The following KLHL36 variants were observed in gnomAD, a reference collection of about 807,000 sequenced individuals.
KLHL36 encodes kelch like family member 36.
Under a neutral mutation model 53.3 loss-of-function variants are expected in KLHL36, and 35 were observed. The ratio of observed to expected loss-of-function variants is 0.66; its 90% CI spans 0.50 to 0.87. The LOEUF (loss-of-function observed/expected upper bound fraction) is 0.87. KLHL36 is among the 40% of genes least tolerant of loss of function. KLHL36 has a pLI of 0.00. For synonymous variants in KLHL36, 472 were observed against 398.9 expected (o/e 1.18, Z -2.18); for missense variants, 864 against 897.6 (o/e 0.96, Z 0.48).
rs113952695 is a variant in KLHL36, at chr16:84,661,315, A to G, written c.1296-263A>G. On this transcript the variant is annotated intron_variant, in intron 4 of 4. Transcript: ENST00000564996. This position sits in a 1 kb window ranked among gnomAD's most constrained non-coding sequence, Gnocchi z 7.9. ...GGTCCTGTGATTATTCCCATTTCCCAGATGGGGCAAGGGAGACTCAGAGAG... is the reference window on the plus strand; with the variant it reads ...GGTCCTGTGATTATTCCCATTTCCCGGATGGGGCAAGGGAGACTCAGAGAG... Among the ~76,000 whole-genome samples, 73 of 152,292 alleles carry G rather than the reference A, an allele frequency of 4.8e-4. No individual in the cohort carries two copies. The highest frequency in any genetic ancestry group is 1.7e-3 in the African/African-American group (69 of 41,574).
rs927887409 is a variant in KLHL36 at position 84,667,252 on chromosome 16, A to G, written c.*5119A>G. 1 of 152,142 alleles carries G rather than the reference A, an allele frequency of 6.6e-6. No individual in the cohort carries two copies. Among genetic ancestry groups the G allele is most frequent in the Non-Finnish European group, 1.5e-5 (1 of 68,022 alleles). 9.4% of individuals were successfully genotyped at this position (152,142 alleles called of 1,614,324 possible). A position where few individuals can be genotyped will look rare whatever the true frequency, so the allele number is the denominator to read the frequency against. On this transcript the variant is annotated 3_prime_UTR_variant, in exon 5 of 5. Coordinates refer to ENST00000564996, the MANE Select transcript of KLHL36 (RefSeq NM_024731.4). ...TTTACAGATTGCTTGTAATGTAAGGAAAGAGTCATGTCCTTTGGATTGATT... is the reference window on the plus strand; with the variant it reads ...TTTACAGATTGCTTGTAATGTAAGGGAAGAGTCATGTCCTTTGGATTGATT...
intron 4 of KLHL36, among the ~76,000 whole-genome samples, chr16:84,660,670 G>A (rs915535262): frequency 1.3e-5 from 2 of 152,130 alleles, no homozygotes; most frequent in Non-Finnish European, 2.9e-5. Context: ...CACCCAGGCT[G>A]GAGTGCAGTG....
chr16:84,650,783 G>T, intron 1 of KLHL36, 69 bp from the exon 2 acceptor site: 1 of 1,128,924 alleles, frequency 8.9e-7, no homozygotes, highest in South Asian at 1.3e-5. Context: ...GTATCTGCTA[G>T]CAGGGCCTGA....
In KLHL36 at chr16:84,659,756, A is replaced by C. The variant is rs749594717; in HGVS notation, c.1138-4A>C. 2 of 1,613,838 alleles carry C rather than the reference A, an allele frequency of 1.2e-6. No individual in the cohort carries two copies. The highest frequency in any genetic ancestry group is 1.7e-6 in the Non-Finnish European group (2 of 1,179,894). On this transcript the variant is annotated splice_region_variant and splice_polypyrimidine_tract_variant and intron_variant, in intron 3 of 4. Transcript: ENST00000564996. ...GGGAAGGTACAGGTATCTCAACTCCACAGGTGGCCTCCATGAACCAGCGCC... is the reference window on the plus strand; with the variant it reads ...GGGAAGGTACAGGTATCTCAACTCCCCAGGTGGCCTCCATGAACCAGCGCC...
At position 84,657,601 on chromosome 16, in the gene KLHL36, G is replaced by T. The variant is rs1907294259; in HGVS notation, c.794G>T (p.Gly265Val). Residue 265 changes from glycine (G) to valine (V), a missense_variant, in exon 3 of 5, where the codon GGC becomes GTC. By Grantham distance (109) the Gly-to-Val change is moderately radical. Coordinates refer to ENST00000564996, the MANE Select transcript of KLHL36 (RefSeq NM_024731.4). Reference sequence around the variant, plus strand: ...CTGCCCAAGGAGGCCAACTGCGAGGGCTTCATCGAGGAGGCCGTGCGCTAC... The same window carrying T: ...CTGCCCAAGGAGGCCAACTGCGAGGTCTTCATCGAGGAGGCCGTGCGCTAC... Reference protein sequence around the residue: ...SLLPKEANCEGFIEEAVRYHN... With the variant: ...SLLPKEANCEVFIEEAVRYHN... 6.2e-7 allele frequency: 1 copy of T among 1,611,202 alleles called. No individual in the cohort carries two copies. The highest frequency in any genetic ancestry group is 8.5e-7 in the Non-Finnish European group (1 of 1,179,844).
chr16:84,659,886 G>A lies in KLHL36; in HGVS notation c.1264G>A (p.Asp422Asn), dbSNP rs200259025. The A allele has an allele frequency of 6.2e-7, 1 of 1,612,504 alleles. No individual in the cohort carries two copies. Among genetic ancestry groups the A allele is most frequent in the Non-Finnish European group, 8.5e-7 (1 of 1,178,780 alleles). Reference protein sequence around the residue: ...SSVETYSPKTDSWSYVAGLPR... With the variant: ...SSVETYSPKTNSWSYVAGLPR... ...AGTAGAGACGTACAGTCCCAAGACT[G>A]ACTCCTGGTCCTATGTGGCCGGCTT... is the stretch of plus-strand genomic sequence containing the variant. Residue 422 changes from aspartate (D) to asparagine (N), a missense_variant, in exon 4 of 5, where the codon GAC (aspartate) becomes AAC (asparagine). Physicochemically the swap from Asp to Asn is conservative, Grantham distance 23. Transcript: ENST00000564996.
chr16:84,650,288 T>A (rs1272826913), intron 1 of KLHL36, among the ~76,000 whole-genome samples: 1 of 152,164 alleles, frequency 6.6e-6, no homozygotes, highest in African/African-American at 2.4e-5. Flanking sequence ...TGCATCATGA[T>A]ATTTTTAAAG....
chr16:84,654,577 A>T lies in KLHL36; in HGVS notation c.64-2294A>T, dbSNP rs374750376. On this transcript the variant is annotated intron_variant, in intron 2 of 4. Transcript: ENST00000564996. ...TGAAGTGGAGGGATTGCTTGAGACT[A>T]GTTTTGTTTTGTTTTGTTTTGTTTT... Among the ~76,000 whole-genome samples, 13 of 148,068 alleles carry T rather than the reference A, an allele frequency of 8.8e-5. No homozygotes were observed. In the East Asian group the frequency reaches 1.0e-3, roughly 12 times the overall value.
In KLHL36 at chr16:84,666,242, C is replaced by T. The variant is rs1426000908; in HGVS notation, c.*4109C>T. 1 of 152,170 alleles carries T rather than the reference C, an allele frequency of 6.6e-6. No individual in the cohort carries two copies. Among genetic ancestry groups the T allele is most frequent in the Non-Finnish European group, 1.5e-5 (1 of 68,030 alleles). The allele number at this position is 152,170 out of a possible 1,614,324, so 9.4% of individuals were successfully genotyped here. The stretch of plus-strand genomic sequence containing the variant: ...TTGTAGAATGCCTGCCGGGGTTTTC[C>T]ACCTCATCCCTTTCCTCCGGCCCCT... On this transcript the variant is annotated 3_prime_UTR_variant, in exon 5 of 5. Coordinates refer to ENST00000564996, the MANE Select transcript of KLHL36 (RefSeq NM_024731.4).
rs896773257 is a variant in KLHL36 at position 84,664,039 on chromosome 16, G to C, written c.*1906G>C. 4 of 152,168 alleles carry C rather than the reference G, an allele frequency of 2.6e-5. No individual in the cohort carries two copies. The highest frequency in any genetic ancestry group is 5.9e-5 in the Non-Finnish European group (4 of 68,044). 9.4% of individuals were successfully genotyped at this position (152,168 alleles called of 1,614,324 possible). A position where few individuals can be genotyped will look rare whatever the true frequency, so the allele number is the denominator to read the frequency against. On this transcript the variant is annotated 3_prime_UTR_variant, in exon 5 of 5. Coordinates refer to ENST00000564996, the MANE Select transcript of KLHL36 (RefSeq NM_024731.4). ...TCTGCTTGGAGCTCTGCAGCATTCCGGTGTATGAAAGGTTCCGAGAAGTCT... is the reference window on the plus strand; with the variant it reads ...TCTGCTTGGAGCTCTGCAGCATTCCCGTGTATGAAAGGTTCCGAGAAGTCT...
Position 84,657,588 on chromosome 16 carries a change from G to T in KLHL36, c.781G>T (p.Ala261Ser). The T allele has an allele frequency of 6.2e-7, 1 of 1,611,036 alleles. No homozygotes were observed. Among genetic ancestry groups the T allele is most frequent in the Non-Finnish European group, 8.5e-7 (1 of 1,179,864 alleles). ...CGTGTGCTCGCTGCTGCCCAAGGAG[G>T]CCAACTGCGAGGGCTTCATCGAGGA... Reference protein sequence around the residue: ...PAVCSLLPKEANCEGFIEEAV... With the variant: ...PAVCSLLPKESNCEGFIEEAV... Residue 261 changes from alanine to serine, a missense_variant, in exon 3 of 5, where the codon GCC becomes TCC. By Grantham distance (99) the Ala-to-Ser change is moderately conservative. Transcript: ENST00000564996.
rs778618577 is a variant in KLHL36 at position 84,661,681 on chromosome 16, G to A, written c.1399G>A (p.Asp467Asn). 15 of 1,613,498 alleles carry A rather than the reference G, an allele frequency of 9.3e-6. No individual in the cohort carries two copies. The highest frequency in any genetic ancestry group is 5.3e-5 in the African/African-American group (4 of 74,904). ...GPYRKNLLCY[D>N]HRTDVWEERR... ...CTACCGCAAGAACCTGCTATGCTACGACCACCGGACAGACGTGTGGGAGGA... is the reference window on the plus strand; with the variant it reads ...CTACCGCAAGAACCTGCTATGCTACAACCACCGGACAGACGTGTGGGAGGA... The change falls in exon 5 of 5, where the codon GAC becomes AAC. Residue 467 changes from aspartate to asparagine, a missense_variant. By Grantham distance (23) the Asp-to-Asn change is conservative. Coordinates refer to ENST00000564996, the MANE Select transcript of KLHL36 (RefSeq NM_024731.4). This position sits in a 1 kb window ranked among gnomAD's most constrained non-coding sequence, Gnocchi z 7.9.
chr16:84,659,649 A>T (rs1027132830), intron 3 of KLHL36, 111 bp from the exon 4 acceptor site: 1 of 1,156,668 alleles, frequency 8.6e-7, no homozygotes, highest in Admixed American at 2.1e-5. Context: ...CCCTTTCCCA[A>T]ACATTCTCCG....
chr16:84,662,373 G>C lies in KLHL36; in HGVS notation c.*240G>C. ...GTGAGCAACCCCTTGTATCTTCACA[G>C]GTCTTTGCCCCGTGTTATGATTCCT... On this transcript the variant is annotated 3_prime_UTR_variant, in exon 5 of 5. Transcript: ENST00000564996. The C allele has an allele frequency of 2.3e-6, 1 of 439,760 alleles. No homozygotes were observed. Among genetic ancestry groups the C allele is most frequent in the Non-Finnish European group, 4.1e-6 (1 of 243,972 alleles). The allele number at this position is 439,760 out of a possible 1,614,324, so 27.2% of individuals were successfully genotyped here. A position where few individuals can be genotyped will look rare whatever the true frequency, so the allele number is the denominator to read the frequency against.
rs757126485 is a variant in KLHL36 at position 84,650,889 on chromosome 16, A to T, written c.22A>T (p.Thr8Ser). 5 of 1,612,170 alleles carry T rather than the reference A, an allele frequency of 3.1e-6. No homozygotes were observed. In the East Asian group the frequency reaches 1.1e-4, roughly 36 times the overall value. The change falls in exon 2 of 5, where the codon ACG becomes TCG. Residue 8 changes from threonine (T) to serine (S), a missense_variant. Coordinates refer to ENST00000564996, the MANE Select transcript of KLHL36 (RefSeq NM_024731.4). MMEGSRQ[T>S]RVSRPYKISE... is the part of the protein sequence containing the mutation. ...TTTAATGATGGAGGGAAGCAGGCAGACGCGAGTGTCTCGGCCATACAAGAT... is the reference window on the plus strand; with the variant it reads ...TTTAATGATGGAGGGAAGCAGGCAGTCGCGAGTGTCTCGGCCATACAAGAT...
intron 1 of KLHL36, among the ~76,000 whole-genome samples, chr16:84,650,178 G>T (rs1026218857): frequency 2.6e-5 from 4 of 152,224 alleles, no homozygotes; most frequent in African/African-American, 9.6e-5. Flanking sequence ...TCATGGGGTT[G>T]CAGTGGGGAC....
At chr16:84,653,560 G>A (rs774797668) in intron 2 of KLHL36, among the ~76,000 whole-genome samples, 3 of 152,226 alleles carry the variant, frequency 2.0e-5, no homozygotes, top group East Asian at 1.9e-4. Flanking sequence ...TCAGGAGTTC[G>A]AGGCCAACAT....
In KLHL36 at chr16:84,661,365, C is replaced by T. The variant is rs570277953; in HGVS notation, c.1296-213C>T. ...GAGTGAAGCTGGGTTCTGGCCCAGG[C>T]GGCCTGACTGCAAAGCTGTCCACTT... is the stretch of plus-strand genomic sequence containing the variant. On this transcript the variant is annotated intron_variant, in intron 4 of 4. Transcript: ENST00000564996. This position sits in a 1 kb window ranked among gnomAD's most constrained non-coding sequence, Gnocchi z 7.9. Among the ~76,000 whole-genome samples the T allele has an allele frequency of 1.3e-5, 2 of 152,300 alleles. No homozygotes were observed. The highest frequency in any genetic ancestry group is 4.1e-4 in the South Asian group (2 of 4,824).
rs542452828 is a variant in KLHL36, at chr16:84,661,680, C to T, written c.1398C>T (p.Tyr466=). The change falls in exon 5 of 5, where the codon TAC becomes TAT. Residue 466 remains tyrosine (Y), a synonymous_variant. Transcript: ENST00000564996. This position sits in a 1 kb window ranked among gnomAD's most constrained non-coding sequence, Gnocchi z 7.9. ...CCTACCGCAAGAACCTGCTATGCTA[C>T]GACCACCGGACAGACGTGTGGGAGG... ...IGPYRKNLLC[Y]DHRTDVWEER... is the part of the protein sequence containing the mutation. 3.0e-5 allele frequency: 48 copies of T among 1,613,666 alleles called. No individual in the cohort carries two copies. Among genetic ancestry groups the T allele is most frequent in the Admixed American group, 1.3e-4 (8 of 60,012 alleles).
Sources: gnomAD v4.1 joint callset for allele counts (sites outside exome capture counted in the v4.1 genomes callset) on GRCh38, gnomAD v4.1.1 for gene constraint, Gnocchi (gnomAD v3.1) non-coding constraint, MANE v1.5 for transcripts, NCBI Gene and HGNC (gene_info 2026-07-23, HGNC 2026-07-21) for gene names.